ELAPOR1: variants seen among roughly 807,000 people sequenced by gnomAD.
The protein encoded by ELAPOR1 is endosome/lysosome-associated apoptosis and autophagy regulator 1.
A neutral mutation model predicts 119.7 loss-of-function variants in ELAPOR1; 77 were observed. The ratio of observed to expected loss-of-function variants is 0.64; its 90% CI spans 0.54 to 0.78. The LOEUF (loss-of-function observed/expected upper bound fraction) is 0.78, where lower values mean the gene tolerates loss of function less well. Among genes scored for constraint, ELAPOR1 ranks in the 30% least tolerant of loss-of-function variants. ELAPOR1 has a pLI of 0.00. For synonymous variants in ELAPOR1, 481 were observed against 487.2 expected (o/e 0.99, Z 0.17); for missense variants, 1,115 against 1,270.4 (o/e 0.88, Z 1.86).
chr1:109,116,135 G>C (rs1326294449), intron 1 of ELAPOR1, among the ~76,000 whole-genome samples: 1 of 152,222 alleles, frequency 6.6e-6, no homozygotes, highest in Non-Finnish European at 1.5e-5. Flanking sequence ...TGATACTTGA[G>C]AACTCGAACT....
intron 1 of ELAPOR1, among the ~76,000 whole-genome samples, chr1:109,128,332 C>T (rs1040597311): frequency 3.3e-5 from 5 of 152,128 alleles, no homozygotes; most frequent in African/African-American, 9.7e-5. Context: ...TGTAATAAAC[C>T]TGCATGCTAA....
chr1:109,186,017 G>A (rs1466116453), intron 8 of ELAPOR1, among the ~76,000 whole-genome samples: 1 of 151,802 alleles, frequency 6.6e-6, no homozygotes, highest in Non-Finnish European at 1.5e-5. Context: ...AGTGGAGAGA[G>A]AGATAATAGA....
intron 21 of ELAPOR1, among the ~76,000 whole-genome samples, 198 bp from the exon 22 acceptor site, chr1:109,202,740 TAAAAGA>T (rs1172282282): frequency 1.3e-5 from 2 of 152,230 alleles, no homozygotes; most frequent in East Asian, 3.9e-4. Context: ...ACACCCCGCC[TAAAAGA>T]AAAAGATTTT....
chr1:109,171,444 C>T (rs1227970381), intron 3 of ELAPOR1, among the ~76,000 whole-genome samples: 2 of 151,848 alleles, frequency 1.3e-5, no homozygotes, highest in African/African-American at 2.4e-5. Context: ...CCTAGCTACT[C>T]GGGAGGCTGA....
At chr1:109,186,995 A>C in intron 8 of ELAPOR1, 2 of 985,558 alleles carry the variant, frequency 2.0e-6, no homozygotes, top group Non-Finnish European at 2.4e-6. Context: ...GCGCATGAAC[A>C]TGCATTCCCC....
chr1:109,159,960 A>G (rs551511487), intron 1 of ELAPOR1, among the ~76,000 whole-genome samples: 1 of 152,332 alleles, frequency 6.6e-6, no homozygotes, highest in South Asian at 2.1e-4. Flanking sequence ...CATTTTAAGA[A>G]GTGGATTGAC....
At chr1:109,181,320 A>G (rs1441452045) in intron 7 of ELAPOR1, among the ~76,000 whole-genome samples, 1 of 152,180 alleles carries the variant, frequency 6.6e-6, no homozygotes, top group Non-Finnish European at 1.5e-5. Context: ...GATAAACTTT[A>G]TCTTCTTACA....
rs764276861 is a variant in ELAPOR1, at chr1:109,206,605, T to C, written c.*3593T>C. The C allele has an allele frequency of 1.3e-5, 2 of 152,254 alleles. No individual in the cohort carries two copies. The highest frequency in any genetic ancestry group is 2.9e-5 in the Non-Finnish European group (2 of 68,048). The allele number at this position is 152,254 out of a possible 1,614,324, so 9.4% of individuals were successfully genotyped here. ...ACTACATTAAAGATAAGACTGACTA[T>C]ATTTATACAACAGAAACTTTGTAAT... On this transcript the variant is annotated 3_prime_UTR_variant, in exon 22 of 22. Coordinates refer to ENST00000369939, the MANE Select transcript of ELAPOR1 (RefSeq NM_020775.5).
At position 109,187,699 on chromosome 1, in the gene ELAPOR1, C is replaced by T; in HGVS notation, c.1042-478C>T. On this transcript the variant is annotated intron_variant, in intron 8 of 21. Coordinates refer to ENST00000369939, the MANE Select transcript of ELAPOR1 (RefSeq NM_020775.5). ...TGGCACATAGATGCATTAGGATTTA[C>T]CCAATAAATAAAAGAGCAAAGAATG... 3.2e-6 allele frequency: 3 copies of T among 924,974 alleles called. No individual in the cohort carries two copies. The Middle Eastern group carries it at 8.8e-4, about 271-fold the overall frequency. 57.3% of individuals were successfully genotyped at this position (924,974 alleles called of 1,614,324 possible). A position where few individuals can be genotyped will look rare whatever the true frequency, so the allele number is the denominator to read the frequency against.
intron 8 of ELAPOR1, chr1:109,187,556 T>A: frequency 1.0e-6 from 1 of 1,001,836 alleles, no homozygotes; most frequent in Non-Finnish European, 1.2e-6. Flanking sequence ...GAGGGCCACA[T>A]GGGAAGAATG....
chr1:109,124,165 T>G (rs1218195354), intron 1 of ELAPOR1, among the ~76,000 whole-genome samples: 1 of 152,194 alleles, frequency 6.6e-6, no homozygotes, highest in African/African-American at 2.4e-5. Context: ...CCTACTTTTT[T>G]CATGCAATAA....
chr1:109,186,442 G>A lies in ELAPOR1; in HGVS notation c.1041+1309G>A, dbSNP rs557516200. 1.5e-4 allele frequency: 140 copies of A among 958,332 alleles called. 1 individual carries two copies. The South Asian group carries it at 4.1e-3, about 28-fold the overall frequency. 59.4% of individuals were successfully genotyped at this position (958,332 alleles called of 1,614,324 possible). A position where few individuals can be genotyped will look rare whatever the true frequency, so the allele number is the denominator to read the frequency against. On this transcript the variant is annotated intron_variant, in intron 8 of 21. Transcript: ENST00000369939. ...GAGCATAAACATTTGCTGGCTGGGC[G>A]GCTGACTGAATTCTCCCTTTCCTAA...
At chr1:109,199,713 T>C in intron 18 of ELAPOR1, 141 bp from the exon 19 acceptor site, 1 of 941,228 alleles carries the variant, frequency 1.1e-6, no homozygotes, top group Non-Finnish European at 1.6e-6. Context: ...TGTTAAGGAC[T>C]AGTTGGAAGG....
At chr1:109,196,017 A>T (rs1653772584) in intron 15 of ELAPOR1, among the ~76,000 whole-genome samples, 1 of 152,120 alleles carries the variant, frequency 6.6e-6, no homozygotes, top group Admixed American at 6.5e-5. Context: ...TTAGCCCGGC[A>T]TGGTGGCACA....
chr1:109,200,116 G>A lies in ELAPOR1; in HGVS notation c.2686G>A (p.Glu896Lys). 1 of 1,614,186 alleles carries A rather than the reference G, an allele frequency of 6.2e-7. No homozygotes were observed. Among genetic ancestry groups the A allele is most frequent in the Non-Finnish European group, 8.5e-7 (1 of 1,180,028 alleles). ...ATGCTCTGGTGGCATTTCTCTGCCTGAGCAGAGAGTCACCATCTGCAAAAC... is the reference window on the plus strand; with the variant it reads ...ATGCTCTGGTGGCATTTCTCTGCCTAAGCAGAGAGTCACCATCTGCAAAAC... Reference protein sequence around the residue: ...KLCSGGISLPEQRVTICKTID... With the variant: ...KLCSGGISLPKQRVTICKTID... The change falls in exon 20 of 22, where the codon GAG (glutamate) becomes AAG (lysine). Residue 896 changes from glutamate to lysine, a missense_variant. Physicochemically the swap from Glu to Lys is moderately conservative, Grantham distance 56 (BLOSUM62 1). Transcript: ENST00000369939.
At chr1:109,178,883 T>C (rs1652514585) in intron 7 of ELAPOR1, among the ~76,000 whole-genome samples, 1 of 151,334 alleles carries the variant, frequency 6.6e-6, no homozygotes, top group Non-Finnish European at 1.5e-5. Context: ...AAGAATCACT[T>C]GAACCTGGGA....
At chr1:109,181,757 G>A (rs1257510105) in intron 7 of ELAPOR1, among the ~76,000 whole-genome samples, 1 of 152,108 alleles carries the variant, frequency 6.6e-6, no homozygotes, top group African/African-American at 2.4e-5. Flanking sequence ...CTCCTGCTTG[G>A]TAACCAAGTA....
chr1:109,137,036 C>T (rs1649514545), intron 1 of ELAPOR1, among the ~76,000 whole-genome samples: 1 of 152,102 alleles, frequency 6.6e-6, no homozygotes, highest in Admixed American at 6.6e-5. Flanking sequence ...TCAGCCAGGA[C>T]TGGTGAGTTT....
At chr1:109,114,435 G>A in intron 1 of ELAPOR1, 99 bp downstream of exon 1, 2 of 1,371,212 alleles carry the variant, frequency 1.5e-6, no homozygotes, top group Non-Finnish European at 9.7e-7. Context: ...CAGACGCCAC[G>A]GAGTTTAGAT....
Sources: allele counts gnomAD v4.1 joint callset (sites outside exome capture counted in the v4.1 genomes callset), GRCh38; gene constraint gnomAD v4.1.1; transcripts MANE v1.5; gene names NCBI Gene and HGNC (gene_info 2026-07-23, HGNC 2026-07-21).